The following TMEM135 variants were observed in gnomAD, a reference collection of about 807,000 sequenced individuals.
TMEM135 encodes transmembrane protein 135, also known as peroxisomal membrane protein 52.
Under a neutral mutation model 60.3 loss-of-function variants are expected in TMEM135, and 30 were observed. The ratio of observed to expected loss-of-function variants is 0.50; its 90% CI spans 0.37 to 0.68. The LOEUF (loss-of-function observed/expected upper bound fraction) is 0.68. Among genes scored for constraint, TMEM135 ranks in the 30% least tolerant of loss-of-function variants. The pLI, the probability that TMEM135 is intolerant of heterozygous loss-of-function variation, is 0.00. For synonymous variants in TMEM135, 190 were observed against 186.7 expected, an observed-to-expected ratio of 1.02 and a Z score of -0.14; for missense variants, 468 against 548.8, an observed-to-expected ratio of 0.85 and a Z score of 1.47.
chr11:87,307,248 A>C (rs1942565004), intron 9 of TMEM135, among the ~76,000 whole-genome samples: 1 of 152,092 alleles, frequency 6.6e-6, no homozygotes. Context: ...AGCCCAGCCC[A>C]CACTTAGCTT....
At chr11:87,042,606 T>G (rs1949759581) in intron 1 of TMEM135, among the ~76,000 whole-genome samples, 1 of 152,166 alleles carries the variant, frequency 6.6e-6, no homozygotes, top group South Asian at 2.1e-4. Flanking sequence ...GGCCTTCATT[T>G]TGTGGTATTG....
At chr11:87,054,254 G>A in intron 1 of TMEM135, among the ~76,000 whole-genome samples, 1 of 152,060 alleles carries the variant, frequency 6.6e-6, no homozygotes, top group Non-Finnish European at 1.5e-5. Context: ...GGCCAACATG[G>A]TGAAACCCCA....
chr11:87,167,670 G>T (rs1939095276), intron 5 of TMEM135, among the ~76,000 whole-genome samples: 1 of 152,118 alleles, frequency 6.6e-6, no homozygotes, highest in African/African-American at 2.4e-5. Context: ...ACTTGATCAT[G>T]GTGGATAAGC....
At chr11:87,066,779 C>CTTTTTTTTTTTT (rs201355341) in intron 1 of TMEM135, among the ~76,000 whole-genome samples, 1 of 129,178 alleles carries the variant, frequency 7.7e-6, no homozygotes, top group African/African-American at 3.0e-5. Context: ...TTACTAGATT[C>CTTTTTTTTTTTT]TTTCTTTTTT....
chr11:87,278,448 C>A (rs1942005033), intron 6 of TMEM135, among the ~76,000 whole-genome samples: 1 of 151,670 alleles, frequency 6.6e-6, no homozygotes, highest in African/African-American at 2.4e-5. Context: ...TCACTGCAAC[C>A]TCCATCTCCC....
At chr11:87,253,504 C>T (rs1234671249) in intron 6 of TMEM135, among the ~76,000 whole-genome samples, 1 of 151,818 alleles carries the variant, frequency 6.6e-6, no homozygotes, top group African/African-American at 2.4e-5. Context: ...CAGTGGAAAA[C>T]TCACACCACT....
At position 87,328,076 on chromosome 11, in the gene TMEM135, T is replaced by C. The variant is rs1197944364; in HGVS notation, c.*6743T>C. On this transcript the variant is annotated 3_prime_UTR_variant, in exon 15 of 15. Transcript: ENST00000305494. The stretch of plus-strand genomic sequence containing the variant: ...CTAGATATTCCTTAATCCAGTCAAG[T>C]TGATGCCTAAAATTAACCATCACAG... 2 of 453,988 alleles carry C rather than the reference T, an allele frequency of 4.4e-6. No homozygotes were observed. The highest frequency in any genetic ancestry group is 4.7e-5 in the Admixed American group (2 of 42,550). The allele number at this position is 453,988 out of a possible 1,614,324, so 28.1% of individuals were successfully genotyped here. A position where few individuals can be genotyped will look rare whatever the true frequency, so the allele number is the denominator to read the frequency against.
intron 5 of TMEM135, among the ~76,000 whole-genome samples, chr11:87,231,700 A>G (rs1940891922): frequency 6.6e-6 from 1 of 152,190 alleles, no homozygotes; most frequent in African/African-American, 2.4e-5. Context: ...GAACTTATAA[A>G]TATGTTAAAT....
chr11:87,195,391 T>TCTCTCTTTC (rs1555116639), intron 5 of TMEM135, among the ~76,000 whole-genome samples: 1 of 65,758 alleles, frequency 1.5e-5, no homozygotes, highest in Non-Finnish European at 3.2e-5. Flanking sequence ...CCTTCCTTCC[T>TCTCTCTTTC]TCTCTCTCTC....
intron 7 of TMEM135, among the ~76,000 whole-genome samples, chr11:87,296,166 T>C (rs1284195397): frequency 6.6e-6 from 1 of 152,198 alleles, no homozygotes; most frequent in Non-Finnish European, 1.5e-5. Flanking sequence ...TGGTACTAGA[T>C]TATGGGTTTG....
intron 6 of TMEM135, among the ~76,000 whole-genome samples, chr11:87,256,123 A>G (rs889217096): frequency 2.0e-5 from 3 of 152,184 alleles, no homozygotes; most frequent in Non-Finnish European, 4.4e-5. Flanking sequence ...GTCTTTTAAA[A>G]TGAGGTTTTG....
intron 3 of TMEM135, among the ~76,000 whole-genome samples, chr11:87,073,988 C>T (rs144405908): frequency 0.016 from 2,371 of 152,002 alleles, 65 homozygotes; most frequent in African/African-American, 0.053. Flanking sequence ...TTTTTTGGGA[C>T]AGAGTCTCAC....
chr11:87,086,875 T>C (rs1857107646), intron 3 of TMEM135, among the ~76,000 whole-genome samples: 1 of 152,234 alleles, frequency 6.6e-6, no homozygotes, highest in Admixed American at 6.5e-5. Flanking sequence ...CCCACCCCTA[T>C]CTGCCTAGGC....
At chr11:87,311,107 CTA>C (rs10572803) in intron 10 of TMEM135, among the ~76,000 whole-genome samples, 93,972 of 148,410 alleles carry the variant, frequency 0.63, 29,945 homozygotes, top group Non-Finnish European at 0.69. Flanking sequence ...ATATATATGT[CTA>C]TATATATATA....
At chr11:87,258,762 A>T (rs1941583240) in intron 6 of TMEM135, 1 of 328,926 alleles carries the variant, frequency 3.0e-6, no homozygotes, top group Non-Finnish European at 5.7e-6. Context: ...TGCCAAAGTT[A>T]AAAAAAAATC....
At chr11:87,085,394 T>C (rs1857075255) in intron 3 of TMEM135, among the ~76,000 whole-genome samples, 1 of 152,224 alleles carries the variant, frequency 6.6e-6, no homozygotes, top group South Asian at 2.1e-4. Context: ...GTGAAGGCTT[T>C]AGTCTTCCTC....
intron 3 of TMEM135, among the ~76,000 whole-genome samples, chr11:87,083,122 C>T (rs1196785805): frequency 2.0e-5 from 3 of 152,080 alleles, no homozygotes; most frequent in Non-Finnish European, 4.4e-5. Context: ...AGCGTGCTTG[C>T]TTGCTAGTTT....
intron 4 of TMEM135, among the ~76,000 whole-genome samples, chr11:87,156,359 A>G (rs1938695354): frequency 1.3e-5 from 2 of 152,064 alleles, no homozygotes; most frequent in Non-Finnish European, 1.5e-5. Context: ...TTAACGTTCT[A>G]TATGAATTTC....
intron 5 of TMEM135, among the ~76,000 whole-genome samples, chr11:87,172,318 G>A (rs2135290612): frequency 6.6e-6 from 1 of 152,132 alleles, no homozygotes; most frequent in South Asian, 2.1e-4. Context: ...GACAAAACAG[G>A]TTAAGAAATA....
Sources: allele counts gnomAD v4.1 joint callset (sites outside exome capture counted in the v4.1 genomes callset), GRCh38; gene constraint gnomAD v4.1.1; transcripts MANE v1.5; gene names NCBI Gene and HGNC (gene_info 2026-07-23, HGNC 2026-07-21).